The following POLR1D variants were observed in gnomAD, a reference collection of about 807,000 sequenced individuals.
The protein encoded by POLR1D is DNA-directed RNA polymerases I and III subunit RPAC2.
Under a neutral mutation model 10.8 loss-of-function variants are expected in POLR1D, and 8 were observed. The observed-to-expected ratio is 0.74, with a 90% CI of 0.43 to 1.33. The LOEUF is 1.33. Ranked by LOEUF, POLR1D falls within the 40% of genes most tolerant of loss-of-function variation. POLR1D has a pLI of 0.01. For synonymous variants in POLR1D, 54 were observed against 57.2 expected, an observed-to-expected ratio of 0.94 and a Z score of 0.25; for missense variants, 152 against 161.7, an observed-to-expected ratio of 0.94 and a Z score of 0.32.
At chr13:27,642,444 C>A (rs572474924) in intron 1 of POLR1D, among the ~76,000 whole-genome samples, 1 of 152,274 alleles carries the variant, frequency 6.6e-6, no homozygotes, top group East Asian at 1.9e-4. Context: ...TCATTTTTTT[C>A]ATTACATTTA....
intron 1 of POLR1D, among the ~76,000 whole-genome samples, chr13:27,647,212 A>T (rs1285824590): frequency 1.3e-5 from 2 of 152,152 alleles, no homozygotes; most frequent in Non-Finnish European, 1.5e-5. Context: ...CACATAGTAA[A>T]GTCTCAGAAT....
intron 1 of POLR1D, among the ~76,000 whole-genome samples, chr13:27,637,205 G>T (rs1956132590): frequency 6.6e-6 from 1 of 152,078 alleles, no homozygotes; most frequent in African/African-American, 2.4e-5. Flanking sequence ...TAAAGGTAAA[G>T]GTTGGATTAA....
At chr13:27,659,175 A>G (rs144974625) in intron 2 of POLR1D, among the ~76,000 whole-genome samples, 81 of 152,300 alleles carry the variant, frequency 5.3e-4, no homozygotes, top group African/African-American at 1.8e-3. Context: ...ACATGTGTTT[A>G]TTTATTTATA....
Position 27,654,413 on chromosome 13 carries a change from T to C in POLR1D, c.101+5960T>C, listed in dbSNP as rs149809274. Among the ~76,000 whole-genome samples the C allele has an allele frequency of 3.4e-3, 515 of 152,336 alleles. 4 individuals carry two copies. Among genetic ancestry groups the C allele is most frequent in the Non-Finnish European group, 5.0e-3 (340 of 68,020 alleles). ...ATTTTTAAAATCACATTTGTAAATA[T>C]CATCACCAATCTCATCAGATCAGTC... On this transcript the variant is annotated intron_variant, in intron 2 of 2. Transcript: ENST00000399697.
chr13:27,652,141 A>T (rs1035620878), intron 2 of POLR1D, among the ~76,000 whole-genome samples: 6 of 152,232 alleles, frequency 3.9e-5, no homozygotes, highest in African/African-American at 1.4e-4. Flanking sequence ...AGTTAAAATC[A>T]TGCAATTTAC....
At chr13:27,655,563 G>T (rs574468577) in intron 2 of POLR1D, among the ~76,000 whole-genome samples, 1 of 152,248 alleles carries the variant, frequency 6.6e-6, no homozygotes, top group South Asian at 2.1e-4. Flanking sequence ...TGACAGGAAG[G>T]AATATTACAC....
chr13:27,645,925 C>G (rs1312327730), intron 1 of POLR1D, among the ~76,000 whole-genome samples: 1 of 152,204 alleles, frequency 6.6e-6, no homozygotes, highest in Admixed American at 6.5e-5. Context: ...TGTCAAACTT[C>G]AAGCTCTTGA....
chr13:27,624,359 C>G (rs962446429), downstream of POLR1D, among the ~76,000 whole-genome samples: 1 of 152,178 alleles, frequency 6.6e-6, no homozygotes, highest in African/African-American at 2.4e-5. Flanking sequence ...AGGTAGTGGA[C>G]ACTTAGTAAA....
intron 1 of POLR1D, 190 bp downstream of exon 1, chr13:27,622,199 G>A (rs1164877248): frequency 3.2e-6 from 2 of 622,836 alleles, no homozygotes; most frequent in African/African-American, 3.7e-5. Flanking sequence ...CTATCAAGGA[G>A]GGAAGACAAG....
intron 2 of POLR1D, chr13:27,665,474 C>G (rs1476002549): frequency 1.7e-6 from 1 of 588,690 alleles, no homozygotes; most frequent in South Asian, 2.0e-5. Context: ...TTAAAGTGTT[C>G]CAGCCAGTCT....
intron 2 of POLR1D, among the ~76,000 whole-genome samples, chr13:27,648,836 A>C (rs1956243484): frequency 6.6e-6 from 1 of 152,242 alleles, no homozygotes; most frequent in South Asian, 2.1e-4. Context: ...TAGGAAATTA[A>C]TTTTAACTGT....
At chr13:27,647,744 C>G (rs1956233242) in intron 1 of POLR1D, among the ~76,000 whole-genome samples, 1 of 152,002 alleles carries the variant, frequency 6.6e-6, no homozygotes, top group Admixed American at 6.6e-5. Flanking sequence ...TTTAAGTTTT[C>G]TGTTTTTTCT....
At position 27,663,723 on chromosome 13, in the gene POLR1D, C is replaced by T. The variant is rs538998360; in HGVS notation, c.102-1963C>T. ...TACCATCACGTCTGGGAAAAGTACC[C>T]TTCCTTGTTGTTTAATGCAGAGAAG... is the stretch of plus-strand genomic sequence containing the variant. On this transcript the variant is annotated intron_variant, in intron 2 of 2. Coordinates refer to the POLR1D transcript ENST00000399697. The surrounding 1 kb of genome is among the most constrained non-coding windows in gnomAD (Gnocchi z 4.1). Among the ~76,000 whole-genome samples the T allele has an allele frequency of 6.8e-4, 101 of 148,246 alleles. No individual in the cohort carries two copies. The highest frequency in any genetic ancestry group is 2.4e-3 in the African/African-American group (97 of 40,812).
At chr13:27,641,521 TAATC>T (rs1956172935) in intron 1 of POLR1D, among the ~76,000 whole-genome samples, 1 of 152,234 alleles carries the variant, frequency 6.6e-6, no homozygotes, top group Non-Finnish European at 1.5e-5. Context: ...ATATTAATAT[TAATC>T]CAAATATTCA....
chr13:27,621,852 T>G, upstream of POLR1D: 1 of 936,430 alleles, frequency 1.1e-6, no homozygotes, highest in Non-Finnish European at 1.7e-6. Flanking sequence ...CTGCGGCTCC[T>G]CCTCCCTCCT....
At position 27,665,603 on chromosome 13, in the gene POLR1D, T is replaced by G. The variant is rs184440796; in HGVS notation, c.102-83T>G. On this transcript the variant is annotated intron_variant, in intron 2 of 2. Transcript: ENST00000399697. ...TCGATTCTGTGGGAGCAGGATTCTT[T>G]GGTACTAATCACGATAGTGGGTCCA... is the stretch of plus-strand genomic sequence containing the variant. The G allele has an allele frequency of 1.8e-3, 2,261 of 1,234,342 alleles. 8 individuals carry two copies. Among genetic ancestry groups the G allele is most frequent in the Non-Finnish European group, 1.8e-3 (1,505 of 834,688 alleles). The allele number at this position is 1,234,342 out of a possible 1,614,324, so 76.5% of individuals were successfully genotyped here.
chr13:27,622,983 C>A lies in POLR1D; in HGVS notation c.135C>A (p.His45Gln). 1 of 1,613,956 alleles carries A rather than the reference C, an allele frequency of 6.2e-7. No individual in the cohort carries two copies. The highest frequency in any genetic ancestry group is 8.5e-7 in the Non-Finnish European group (1 of 1,179,894). ...GACACTGTGTGACATTTGTATTGCA[C>A]GAGGAAGACCATACCCTAGGAAATT... is the stretch of plus-strand genomic sequence containing the variant. ...TDRHCVTFVL[H>Q]EEDHTLGNSL... is the part of the protein sequence containing the mutation. Residue 45 changes from histidine (H) to glutamine (Q), a missense_variant, in exon 2 of 2, where the codon CAC (histidine) becomes CAA (glutamine). Transcript: ENST00000302979.
chr13:27,642,775 ATATTT>A (rs1266582280), intron 1 of POLR1D, among the ~76,000 whole-genome samples: 1 of 152,194 alleles, frequency 6.6e-6, no homozygotes, highest in Non-Finnish European at 1.5e-5. Context: ...TCCAAATCAA[ATATTT>A]TATTTTATCC....
downstream of POLR1D, among the ~76,000 whole-genome samples, chr13:27,625,782 T>C (rs1956002715): frequency 6.6e-6 from 1 of 152,036 alleles, no homozygotes; most frequent in Non-Finnish European, 1.5e-5. Flanking sequence ...TTTGGGTCAA[T>C]GTAATGGTAG....
Sources: allele counts gnomAD v4.1 joint callset (sites outside exome capture counted in the v4.1 genomes callset), GRCh38; gene constraint gnomAD v4.1.1; non-coding constraint Gnocchi (gnomAD v3.1); transcripts MANE v1.5; gene names NCBI Gene and HGNC (gene_info 2026-07-23, HGNC 2026-07-21).